The following FGF13 variants were observed in gnomAD, a reference collection of about 807,000 sequenced individuals.
FGF13 encodes fibroblast growth factor 13, also known as fibroblast growth factor homologous factor 2.
In FGF13, 2 loss-of-function variants were observed where a neutral mutation model predicts 19.5. The ratio of observed to expected loss-of-function variants is 0.10; its 90% CI spans 0.04 to 0.32. FGF13 has a LOEUF of 0.32. FGF13 is among the 10% of genes least tolerant of loss of function. The pLI is 1.00. For synonymous variants in FGF13, 72 were observed against 76.9 expected, an observed-to-expected ratio of 0.94 and a Z score of 0.33; for missense variants, 113 against 192.7, an observed-to-expected ratio of 0.59 and a Z score of 2.45.
At chrX:139,032,854 T>A (rs781740431) in intron 1 of FGF13, among the ~76,000 whole-genome samples, 1 of 109,395 alleles carries the variant, frequency 9.1e-6, no homozygotes, top group Non-Finnish European at 1.9e-5. Flanking sequence ...GTTAATAACC[T>A]TGCAGTCTCA....
intron 3 of FGF13, among the ~76,000 whole-genome samples, chrX:138,772,087 G>A (rs1349468484): frequency 1.2e-5 from 1 of 85,220 alleles, no homozygotes; most frequent in East Asian, 3.7e-4. Flanking sequence ...TGGGACAAAT[G>A]AACATATCCA....
upstream of FGF13, among the ~76,000 whole-genome samples, chrX:138,712,552 A>G (rs2090064967): frequency 9.0e-6 from 1 of 111,706 alleles, no homozygotes. Flanking sequence ...GCCTCAGTCT[A>G]TTAACAAGTT....
chrX:138,687,151 T>C (rs1394315781), intron 3 of FGF13, among the ~76,000 whole-genome samples: 2 of 111,283 alleles, frequency 1.8e-5, no homozygotes, highest in African/African-American at 6.5e-5. Flanking sequence ...AAATAGACAA[T>C]ACATGAAGCT....
intron 1 of FGF13, among the ~76,000 whole-genome samples, chrX:138,865,053 T>C (rs979151744): frequency 7.2e-5 from 8 of 111,872 alleles, no homozygotes; most frequent in Admixed American, 1.9e-4. Context: ...AACTTGAGAA[T>C]TGGCATTTAT....
intron 1 of FGF13, among the ~76,000 whole-genome samples, chrX:139,026,524 A>T (rs936660262): frequency 4.5e-5 from 5 of 111,941 alleles, no homozygotes; most frequent in African/African-American, 1.6e-4. Context: ...AGTAAAGCAT[A>T]TCAGTTCAAC....
rs2091858708 is a variant in FGF13 at position 138,959,539 on chromosome X, G to A, written c.-112-94889C>T. The stretch of plus-strand genomic sequence containing the variant: ...AGTTCTATAGCTGTCTATTAGGTCT[G>A]GTTGGTGCAGAGCTGAGTTCACGTC... On this transcript the variant is annotated intron_variant, in intron 1 of 2. Transcript: ENST00000421460. Among the ~76,000 whole-genome samples, 6 of 111,406 alleles carry A rather than the reference G, an allele frequency of 5.4e-5. No homozygotes were observed. In the Admixed American group the frequency reaches 5.7e-4, roughly 11 times the overall value.
intron 3 of FGF13, among the ~76,000 whole-genome samples, chrX:138,785,842 G>A (rs2124366090): frequency 9.0e-6 from 1 of 111,430 alleles, no homozygotes; most frequent in South Asian, 3.8e-4. Context: ...GTCTCATAGG[G>A]ACCTCAAACC....
intron 1 of FGF13, among the ~76,000 whole-genome samples, chrX:138,981,222 G>C (rs1285328514): frequency 9.1e-6 from 1 of 109,431 alleles, no homozygotes; most frequent in Non-Finnish European, 1.9e-5. Flanking sequence ...AGAGGAAAAG[G>C]GTACTCTAGG....
intron 3 of FGF13, among the ~76,000 whole-genome samples, chrX:138,771,428 T>C (rs1271734382): frequency 3.6e-5 from 4 of 111,936 alleles, no homozygotes; most frequent in Admixed American, 9.5e-5. Flanking sequence ...TGATACATTT[T>C]TTAGTACAAG....
intron 3 of FGF13, among the ~76,000 whole-genome samples, chrX:138,683,250 A>T (rs1344472902): frequency 9.0e-6 from 1 of 111,330 alleles, no homozygotes; most frequent in Non-Finnish European, 1.9e-5. Context: ...AAACACAGTA[A>T]GATCAATGAT....
At chrX:139,099,213 C>G (rs1485381724) in intron 1 of FGF13, among the ~76,000 whole-genome samples, 1 of 110,323 alleles carries the variant, frequency 9.1e-6, no homozygotes, top group Admixed American at 9.7e-5. Context: ...TCTGACTAAC[C>G]TAGCCTCACA....
rs1410516188 is a variant in FGF13 at position 138,783,114 on chromosome X, G to T, written c.218-74186C>A. Among the ~76,000 whole-genome samples the T allele has an allele frequency of 8.2e-3, 791 of 96,289 alleles. 11 individuals are homozygous for T. The highest frequency in any genetic ancestry group is 0.025 in the African/African-American group (614 of 24,151). The allele number at this position is 96,289 out of a possible 115,157, so 83.6% of individuals were successfully genotyped here. A position where few individuals can be genotyped will look rare whatever the true frequency, so the allele number is the denominator to read the frequency against. On this transcript the variant is annotated intron_variant, in intron 3 of 6. Transcript: ENST00000436198. ...ACTGGGAAAACTGGCTAGCCATATG[G>T]AGAAAGCTGAAACTGGATCCCTTCC...
chrX:139,138,634 T>C (rs1056917937), intron 1 of FGF13, among the ~76,000 whole-genome samples: 1 of 111,497 alleles, frequency 9.0e-6, no homozygotes, highest in African/African-American at 3.3e-5. Flanking sequence ...AACAACAGCA[T>C]AGACTGGGTA....
In FGF13 at chrX:138,923,451, GGTTGGTA is replaced by G. The variant is rs778441927; in HGVS notation, c.-112-58808_-112-58802del. Among the ~76,000 whole-genome samples, 239 of 112,184 alleles carry G rather than the reference GGTTGGTA, an allele frequency of 2.1e-3. 1 individual carries two copies. The highest frequency in any genetic ancestry group is 4.6e-3 in the Middle Eastern group (1 of 217). Reference sequence around the variant, plus strand: ...TAAGGATGATTCACTGACTTTTCTAGGTTGGTAGTACAGCAATTGATTTGCTGGTACA... The same window carrying G: ...TAAGGATGATTCACTGACTTTTCTAGGTACAGCAATTGATTTGCTGGTACA... On this transcript the variant is annotated intron_variant, in intron 1 of 2. Transcript: ENST00000421460.
chrX:139,047,087 T>C (rs762131493), intron 1 of FGF13, among the ~76,000 whole-genome samples: 3 of 112,554 alleles, frequency 2.7e-5, no homozygotes, highest in Non-Finnish European at 3.7e-5. Flanking sequence ...TTGCTGAGGA[T>C]TTCCCTGTGT....
chrX:138,796,790 T>C (rs1421642456), intron 3 of FGF13, among the ~76,000 whole-genome samples: 1 of 112,416 alleles, frequency 8.9e-6, no homozygotes, highest in Non-Finnish European at 1.9e-5. Flanking sequence ...TGGTTTTGGT[T>C]TGCATTTCTC....
intron 3 of FGF13, among the ~76,000 whole-genome samples, chrX:138,697,330 T>A (rs1242703688): frequency 9.0e-6 from 1 of 110,769 alleles, no homozygotes; most frequent in Admixed American, 9.7e-5. Flanking sequence ...GTGAAAATAA[T>A]CCAGTAGAGA....
chrX:139,113,183 G>C (rs1164677361), intron 1 of FGF13, among the ~76,000 whole-genome samples: 1 of 110,928 alleles, frequency 9.0e-6, no homozygotes, highest in South Asian at 3.9e-4. Context: ...TCCCTGTCTA[G>C]ATTCAGCCAC....
intron 1 of FGF13, among the ~76,000 whole-genome samples, chrX:138,987,030 G>T (rs1446173927): frequency 1.8e-5 from 2 of 111,934 alleles, no homozygotes; most frequent in African/African-American, 6.5e-5. Context: ...ACATAGCTTT[G>T]TAAATGTATG....
Sources: gnomAD v4.1 joint callset for allele counts (sites outside exome capture counted in the v4.1 genomes callset) on GRCh38, gnomAD v4.1.1 for gene constraint, MANE v1.5 for transcripts, NCBI Gene and HGNC (gene_info 2026-07-23, HGNC 2026-07-21) for gene names.